Variants in TET1 observed in about 807,000 individuals in gnomAD.
TET1 encodes methylcytosine dioxygenase TET1.
In TET1, 13 loss-of-function variants were observed where a neutral mutation model predicts 148.7. The observed-to-expected ratio is 0.09, with a 90% CI of 0.06 to 0.14. The LOEUF (loss-of-function observed/expected upper bound fraction) is 0.14, where lower values mean the gene tolerates loss of function less well. TET1 is among the 10% of genes least tolerant of loss of function. TET1 has a pLI of 1.00. For synonymous variants in TET1, 907 were observed against 937.2 expected (o/e 0.97, Z 0.59); for missense variants, 2,182 against 2,553.8 (o/e 0.85, Z 3.14).
At chr10:68,575,524 G>A (rs1280698524) in intron 2 of TET1, among the ~76,000 whole-genome samples, 2 of 151,644 alleles carry the variant, frequency 1.3e-5, no homozygotes, top group African/African-American at 4.8e-5. Flanking sequence ...AACATGGGGT[G>A]AAACCCCATC....
chr10:68,574,673 A>G (rs1285957064), intron 2 of TET1, among the ~76,000 whole-genome samples: 1 of 152,176 alleles, frequency 6.6e-6, no homozygotes, highest in East Asian at 1.9e-4. Flanking sequence ...CAGCCTGAAA[A>G]ACCAGAGGAA....
At chr10:68,640,009 C>A (rs907747311) in intron 3 of TET1, among the ~76,000 whole-genome samples, 2 of 151,640 alleles carry the variant, frequency 1.3e-5, no homozygotes, top group East Asian at 1.9e-4. Context: ...CTCACTGCAA[C>A]CTCCTCCTCC....
chr10:68,646,134 T>A lies in TET1; in HGVS notation c.3405T>A (p.His1135Gln). The A allele has an allele frequency of 1.2e-6, 2 of 1,613,320 alleles. No individual in the cohort carries two copies. Among genetic ancestry groups the A allele is most frequent in the Non-Finnish European group, 8.5e-7 (1 of 1,179,880 alleles). The change falls in exon 4 of 12, where the codon CAT becomes CAA. Residue 1135 changes from histidine (H) to glutamine (Q), a missense_variant. By Grantham distance (24) the His-to-Gln change is conservative. Coordinates refer to ENST00000373644, the MANE Select transcript of TET1 (RefSeq NM_030625.3). The stretch of plus-strand genomic sequence containing the variant: ...CACCTTCAAGTGTACACAATAATCA[T>A]GGTTCATCATTAACAAAACAAAAGA... ...QKPPSSVHNN[H>Q]GSSLTKQKNP...
chr10:68,588,242 C>A (rs1298651612), intron 2 of TET1, among the ~76,000 whole-genome samples: 1 of 152,202 alleles, frequency 6.6e-6, no homozygotes, highest in Non-Finnish European at 1.5e-5. Flanking sequence ...TGCAGACTCA[C>A]AAAGTGCAGG....
intron 1 of TET1, among the ~76,000 whole-genome samples, chr10:68,565,608 G>T (rs2053600097): frequency 6.6e-6 from 1 of 151,834 alleles, no homozygotes; most frequent in Admixed American, 6.6e-5. Context: ...ATTAATTTCT[G>T]GAGGTCTTTG....
intron 3 of TET1, among the ~76,000 whole-genome samples, chr10:68,607,936 CTT>C (rs1054826809): frequency 2.8e-5 from 4 of 143,068 alleles, no homozygotes; most frequent in African/African-American, 5.1e-5. Context: ...GTAACAGTGT[CTT>C]TTTTTTTTTT....
intron 3 of TET1, among the ~76,000 whole-genome samples, chr10:68,626,549 T>C (rs1269811743): frequency 6.6e-6 from 1 of 151,760 alleles, no homozygotes; most frequent in Non-Finnish European, 1.5e-5. Flanking sequence ...ATTTTATTAC[T>C]TTATTATTAT....
chr10:68,567,177 T>C (rs1435529632), intron 1 of TET1, among the ~76,000 whole-genome samples: 1 of 152,112 alleles, frequency 6.6e-6, no homozygotes, highest in Non-Finnish European at 1.5e-5. Flanking sequence ...AGTTTTTTCC[T>C]GTGGGAGCCC....
chr10:68,666,452 TAATG>T, intron 6 of TET1, among the ~76,000 whole-genome samples: 1 of 152,364 alleles, frequency 6.6e-6, no homozygotes, highest in East Asian at 1.9e-4. Flanking sequence ...AGTTTATTTT[TAATG>T]TTGAGAGTTC....
intron 3 of TET1, chr10:68,632,443 GA>G: frequency 6.2e-7 from 1 of 1,612,416 alleles, no homozygotes. Context: ...TTTAGATGTT[GA>G]AAATACTCCC....
chr10:68,628,290 A>G (rs2054518717), intron 3 of TET1, among the ~76,000 whole-genome samples: 1 of 152,220 alleles, frequency 6.6e-6, no homozygotes, highest in Admixed American at 6.5e-5. Context: ...GAAGAATGCA[A>G]TAAAGGCCAC....
chr10:68,671,867 G>C (rs577965259), intron 7 of TET1, among the ~76,000 whole-genome samples: 1 of 151,938 alleles, frequency 6.6e-6, no homozygotes, highest in South Asian at 2.1e-4. Context: ...TGCAACCTCC[G>C]CCTCCTGGGT....
intron 6 of TET1, among the ~76,000 whole-genome samples, chr10:68,659,170 T>C (rs2055068584): frequency 6.6e-6 from 1 of 152,164 alleles, no homozygotes; most frequent in Admixed American, 6.5e-5. Context: ...CTCTTGAGCT[T>C]CTGGGGTAAT....
chr10:68,601,407 T>C (rs1171926796), intron 3 of TET1, among the ~76,000 whole-genome samples: 1 of 152,224 alleles, frequency 6.6e-6, no homozygotes, highest in Non-Finnish European at 1.5e-5. Flanking sequence ...CTATGATCCA[T>C]TGTGATTTTA....
chr10:68,632,042 T>G (rs2054579556), intron 3 of TET1, among the ~76,000 whole-genome samples: 1 of 151,862 alleles, frequency 6.6e-6, no homozygotes, highest in Admixed American at 6.6e-5. Context: ...AAACAGGATC[T>G]GGCCGGGCGT....
intron 3 of TET1, among the ~76,000 whole-genome samples, chr10:68,633,124 CG>C (rs961775165): frequency 6.6e-6 from 1 of 151,844 alleles, no homozygotes; most frequent in Non-Finnish European, 1.5e-5. Context: ...GTGGAGGTTG[CG>C]GTGAGCCAAG....
rs536645955 is a variant in TET1 at position 68,566,606 on chromosome 10, T to C, written c.-122-5611T>C. 7.2e-5 allele frequency among the ~76,000 whole-genome samples: 11 copies of C among 152,254 alleles called. 1 individual carries two copies. In the South Asian group the frequency reaches 2.3e-3, roughly 31 times the overall value. On this transcript the variant is annotated intron_variant, in intron 1 of 11. Coordinates refer to ENST00000373644, the MANE Select transcript of TET1 (RefSeq NM_030625.3). ...AGATTTATCAAAATGTTATTTTTTG[T>C]GTATTTGATGTTATCACTAATGTCT...
intron 4 of TET1, among the ~76,000 whole-genome samples, chr10:68,647,260 T>TA: frequency 6.6e-6 from 1 of 152,296 alleles, no homozygotes; most frequent in Admixed American, 6.5e-5. Context: ...AATAGGCTGA[T>TA]ATATCTCTCA....
intron 7 of TET1, among the ~76,000 whole-genome samples, chr10:68,672,422 A>AGG (rs2055284668): frequency 8.0e-6 from 1 of 124,946 alleles, no homozygotes; most frequent in South Asian, 2.8e-4. Flanking sequence ...TGGGAGGCAG[A>AGG]GGTTGCAGTG....
Sources: allele counts gnomAD v4.1 joint callset (sites outside exome capture counted in the v4.1 genomes callset), GRCh38; gene constraint gnomAD v4.1.1; transcripts MANE v1.5; gene names NCBI Gene and HGNC (gene_info 2026-07-23, HGNC 2026-07-21).